The following DENND5B variants were observed in gnomAD, a reference collection of about 807,000 sequenced individuals.
DENND5B encodes the protein DENN domain-containing protein 5B.
A neutral mutation model predicts 140.6 loss-of-function variants in DENND5B; 34 were observed. The observed-to-expected ratio is 0.24, with a 90% CI of 0.18 to 0.32. The LOEUF (loss-of-function observed/expected upper bound fraction) is 0.32, where lower values mean the gene tolerates loss of function less well. Ranked by LOEUF, DENND5B falls within the 10% of genes least tolerant of loss-of-function variation. The pLI, the probability that DENND5B is intolerant of heterozygous loss-of-function variation, is 1.00. For synonymous variants in DENND5B, 551 were observed against 562.1 expected (o/e 0.98, Z 0.28); for missense variants, 1,142 against 1,560.2 (o/e 0.73, Z 4.52).
At chr12:31,522,136 A>G (rs1427717967) in intron 1 of DENND5B, among the ~76,000 whole-genome samples, 1 of 152,168 alleles carries the variant, frequency 6.6e-6, no homozygotes, top group Non-Finnish European at 1.5e-5. Flanking sequence ...CTTAGCAAAC[A>G]TCTGCTCATG....
chr12:31,574,084 A>G (rs894446163), intron 1 of DENND5B, among the ~76,000 whole-genome samples: 1 of 151,038 alleles, frequency 6.6e-6, no homozygotes, highest in Non-Finnish European at 1.5e-5. Flanking sequence ...ACACGGTGAG[A>G]TCTTGTCTCT....
chr12:31,469,877 A>G (rs1266770022), intron 3 of DENND5B, among the ~76,000 whole-genome samples: 2 of 152,018 alleles, frequency 1.3e-5, no homozygotes, highest in African/African-American at 2.4e-5. Context: ...ACCTCCTGCC[A>G]TGAGTAGATG....
At chr12:31,413,624 A>C in intron 12 of DENND5B, 60 bp from the exon 13 acceptor site, 1 of 1,562,944 alleles carries the variant, frequency 6.4e-7, no homozygotes, top group Non-Finnish European at 8.7e-7. Context: ...ACTAGAAAAG[A>C]AGTAAAGAGT....
At chr12:31,494,269 G>T (rs1347783645) in intron 2 of DENND5B, among the ~76,000 whole-genome samples, 2 of 149,042 alleles carry the variant, frequency 1.3e-5, no homozygotes, top group Non-Finnish European at 3.0e-5. Context: ...TTGAGACAGG[G>T]TCTTGCTATG....
chr12:31,409,381 C>G lies in DENND5B; in HGVS notation c.2685G>C (p.Lys895Asn), dbSNP rs1366433463. 7 of 1,527,104 alleles carry G rather than the reference C, an allele frequency of 4.6e-6. No individual in the cohort carries two copies. Among genetic ancestry groups the G allele is most frequent in the Non-Finnish European group, 5.3e-6 (6 of 1,134,330 alleles). 94.6% of individuals were successfully genotyped at this position (1,527,104 alleles called of 1,614,324 possible). ...QLLSNQPLTKKLYKRYAFLRC... is the reference protein window; with the variant it reads ...QLLSNQPLTKNLYKRYAFLRC... The stretch of plus-strand genomic sequence containing the variant: ...GTAGAAAAGCATATCGCTTATAAAG[C>G]TTCCTAGGAAAGGGTAAGACAAGCA... The change falls in exon 14 of 21, where the codon AAG (lysine) becomes AAC (asparagine). Residue 895 changes from lysine (K) to asparagine (N), a missense_variant. Lys to Asn is a moderately conservative substitution (Grantham distance 94). Around this residue, in one of 5 missense-constraint regions of DENND5B, gnomAD observed 268 missense variants for 349.2 expected, o/e 0.77. Transcript: ENST00000389082.
At chr12:31,400,395 T>C (rs1941728731) in intron 15 of DENND5B, among the ~76,000 whole-genome samples, 1 of 152,232 alleles carries the variant, frequency 6.6e-6, no homozygotes, top group South Asian at 2.1e-4. Flanking sequence ...CAATAAGTTA[T>C]CTTCACTGGT....
At chr12:31,469,151 G>A (rs372924300) in intron 3 of DENND5B, among the ~76,000 whole-genome samples, 1 of 151,708 alleles carries the variant, frequency 6.6e-6, no homozygotes, top group East Asian at 1.9e-4. Flanking sequence ...CCTGGCCAAC[G>A]TGGTGTAACT....
At chr12:31,588,450 A>G (rs78241392) in intron 1 of DENND5B, among the ~76,000 whole-genome samples, 3,227 of 152,348 alleles carry the variant, frequency 0.021, 52 homozygotes, top group Admixed American at 0.028. Flanking sequence ...CACAGATTGA[A>G]AATGTAGTTA....
chr12:31,571,864 C>T (rs778725667), intron 1 of DENND5B, among the ~76,000 whole-genome samples: 4 of 152,220 alleles, frequency 2.6e-5, no homozygotes, highest in Admixed American at 6.5e-5. Flanking sequence ...CCGCTTTGAC[C>T]TCTTAAAGTG....
chr12:31,388,848 T>C (rs754032742), intron 20 of DENND5B, among the ~76,000 whole-genome samples: 5 of 152,218 alleles, frequency 3.3e-5, no homozygotes, highest in Non-Finnish European at 4.4e-5. Flanking sequence ...ATATAAGGTT[T>C]ACTTAGTAAA....
At chr12:31,460,906 C>T (rs970728334) in intron 3 of DENND5B, among the ~76,000 whole-genome samples, 1 of 151,888 alleles carries the variant, frequency 6.6e-6, no homozygotes, top group Non-Finnish European at 1.5e-5. Context: ...TTGTATTTTT[C>T]GTAGAGATGG....
At chr12:31,436,967 T>C (rs1268663012) in intron 7 of DENND5B, among the ~76,000 whole-genome samples, 3 of 152,200 alleles carry the variant, frequency 2.0e-5, no homozygotes, top group African/African-American at 4.8e-5. Context: ...TTCCAGAAAG[T>C]GTTCTATGAC....
intron 1 of DENND5B, among the ~76,000 whole-genome samples, chr12:31,555,953 G>A (rs1238496261): frequency 6.6e-6 from 1 of 152,218 alleles, no homozygotes; most frequent in Non-Finnish European, 1.5e-5. Context: ...GGTGCCCTCT[G>A]TCACTGCTTT....
chr12:31,475,953 A>C (rs1945786820), intron 3 of DENND5B, among the ~76,000 whole-genome samples: 1 of 151,780 alleles, frequency 6.6e-6, no homozygotes, highest in African/African-American at 2.4e-5. Flanking sequence ...GCAAAACCTC[A>C]TCTCTACTAA....
At chr12:31,568,922 CTCTT>C (rs1162362410) in intron 1 of DENND5B, among the ~76,000 whole-genome samples, 1 of 152,020 alleles carries the variant, frequency 6.6e-6, no homozygotes, top group African/African-American at 2.4e-5. Context: ...ATCTATATTC[CTCTT>C]TGTTTTTGAG....
chr12:31,415,377 G>C lies in DENND5B; in HGVS notation c.2542C>G (p.Gln848Glu). The C allele has an allele frequency of 1.2e-6, 2 of 1,608,394 alleles. No individual in the cohort carries two copies. Among genetic ancestry groups the C allele is most frequent in the East Asian group, 4.5e-5 (2 of 44,752 alleles). The change falls in exon 12 of 21, where the codon CAG (glutamine) becomes GAG (glutamate). Residue 848 changes from glutamine (Q) to glutamate (E), a missense_variant. Around this residue, in one of 5 missense-constraint regions of DENND5B, gnomAD observed 268 missense variants for 349.2 expected, o/e 0.77. Coordinates refer to ENST00000389082, the MANE Select transcript of DENND5B (RefSeq NM_144973.4). ...MLPTLRVSLI[Q>E]DMRHIQNMSE... ...ATTAATAACAAATACCTCATGTCCTGAATAAGAGAGACCCTGAGCGTTGGC... is the reference window on the plus strand; with the variant it reads ...ATTAATAACAAATACCTCATGTCCTCAATAAGAGAGACCCTGAGCGTTGGC...
chr12:31,463,594 G>A (rs887471424), intron 3 of DENND5B, among the ~76,000 whole-genome samples: 1 of 152,180 alleles, frequency 6.6e-6, no homozygotes, highest in African/African-American at 2.4e-5. Flanking sequence ...TGTGTTGTGA[G>A]TGTTCTATGT....
At chr12:31,512,705 A>G (rs1947477003) in intron 1 of DENND5B, among the ~76,000 whole-genome samples, 2 of 152,122 alleles carry the variant, frequency 1.3e-5, no homozygotes, top group Non-Finnish European at 2.9e-5. Flanking sequence ...TTTCATGGTT[A>G]TCTTCTTTCT....
At chr12:31,529,271 G>A (rs1400107337) in intron 1 of DENND5B, among the ~76,000 whole-genome samples, 2 of 151,930 alleles carry the variant, frequency 1.3e-5, no homozygotes, top group Non-Finnish European at 1.5e-5. Context: ...TGACAGGGCA[G>A]AAAAAAACTA....
Sources: gnomAD v4.1 joint callset for allele counts (sites outside exome capture counted in the v4.1 genomes callset) on GRCh38, gnomAD v4.1.1 for gene constraint, gnomAD v4.1.1 regional missense constraint, MANE v1.5 for transcripts, NCBI Gene and HGNC (gene_info 2026-07-23, HGNC 2026-07-21) for gene names.